PLCB2: variants seen among roughly 807,000 people sequenced by gnomAD.
The protein encoded by PLCB2 is phospholipase C beta 2, also known as 1-phosphatidylinositol 4,5-bisphosphate phosphodiesterase beta-2.
In PLCB2, 115 loss-of-function variants were observed where a neutral mutation model predicts 141.7. The observed-to-expected ratio is 0.81, with a 90% CI of 0.70 to 0.95. The LOEUF (loss-of-function observed/expected upper bound fraction) is 0.95, where lower values mean the gene tolerates loss of function less well. Ranked by LOEUF, PLCB2 falls within the 40% of genes least tolerant of loss-of-function variation. The probability of loss-of-function intolerance (pLI) is 0.00; values close to 1 mark genes in which losing one functional copy is unlikely to be tolerated. For synonymous variants in PLCB2, 603 were observed against 595.6 expected (o/e 1.01, Z -0.18); for missense variants, 1,403 against 1,541.1 (o/e 0.91, Z 1.50).
At position 40,294,890 on chromosome 15, in the gene PLCB2, C is replaced by T. The variant is rs759706597; in HGVS notation, c.1906+46G>A. The T allele has an allele frequency of 1.4e-5, 23 of 1,612,410 alleles. No individual in the cohort carries two copies. In the East Asian group the frequency reaches 2.2e-4, roughly 16 times the overall value. ...CCCTCAAGGATGTAAAGGTGGGGGG[C>T]GCAGGGACCAGGGAAGGATTCTTAG... On this transcript the variant is annotated intron_variant, in intron 18 of 31. Coordinates refer to ENST00000260402, the MANE Select transcript of PLCB2 (RefSeq NM_004573.3).
chr15:40,288,037 T>C lies in PLCB2; in HGVS notation c.*678A>G. On this transcript the variant is annotated 3_prime_UTR_variant, in exon 32 of 32. Coordinates refer to ENST00000260402, the MANE Select transcript of PLCB2 (RefSeq NM_004573.3). ...AGAGGGGTACATGGTAGGAACTGCC[T>C]GCCCCCAGGCCTAGGAAGAGGGGTG... The C allele has an allele frequency of 1.0e-6, 1 of 985,502 alleles. No homozygotes were observed. The highest frequency in any genetic ancestry group is 1.2e-6 in the Non-Finnish European group (1 of 829,962). 61.0% of individuals were successfully genotyped at this position (985,502 alleles called of 1,614,324 possible). A position where few individuals can be genotyped will look rare whatever the true frequency, so the allele number is the denominator to read the frequency against.
intron 30 of PLCB2, chr15:40,289,691 TC>T (rs2039748032): frequency 2.0e-6 from 1 of 509,902 alleles, no homozygotes; most frequent in African/African-American, 1.9e-5. Flanking sequence ...TCCCTCTTCA[TC>T]CCCTGACCCT....
chr15:40,304,866 G>A (rs796651693), intron 1 of PLCB2, among the ~76,000 whole-genome samples: 5 of 152,170 alleles, frequency 3.3e-5, no homozygotes, highest in African/African-American at 1.2e-4. Context: ...CTACCTTTTA[G>A]TTTAACGGTC....
Position 40,297,723 on chromosome 15 carries a change from G to A in PLCB2, c.1239-118C>T, listed in dbSNP as rs999039353. The A allele has an allele frequency of 1.8e-5, 18 of 975,076 alleles. No homozygotes were observed. Among genetic ancestry groups the A allele is most frequent in the African/African-American group, 9.6e-5 (6 of 62,516 alleles). The allele number at this position is 975,076 out of a possible 1,614,324, so 60.4% of individuals were successfully genotyped here. A position where few individuals can be genotyped will look rare whatever the true frequency, so the allele number is the denominator to read the frequency against. On this transcript the variant is annotated intron_variant, in intron 12 of 31. Coordinates refer to ENST00000260402, the MANE Select transcript of PLCB2 (RefSeq NM_004573.3). The surrounding 1 kb of genome is among the most constrained non-coding windows in gnomAD (Gnocchi z 4.2). ...CAGGAGGTCAGGGAGGCTGGGACTC[G>A]AGCAGGAGAACATGAGGCCTTAGGG...
intron 29 of PLCB2, 53 bp from the exon 30 acceptor site, chr15:40,290,135 G>T: frequency 8.9e-7 from 1 of 1,121,882 alleles, no homozygotes; most frequent in Non-Finnish European, 1.4e-6. Flanking sequence ...AGGGAGAGTA[G>T]GGTAACATGA....
Position 40,297,667 on chromosome 15 carries a change from T to C in PLCB2, c.1239-62A>G. The C allele has an allele frequency of 7.2e-7, 1 of 1,391,832 alleles. No individual in the cohort carries two copies. Among genetic ancestry groups the C allele is most frequent in the Non-Finnish European group, 1.0e-6 (1 of 985,414 alleles). 86.2% of individuals were successfully genotyped at this position (1,391,832 alleles called of 1,614,324 possible). A position where few individuals can be genotyped will look rare whatever the true frequency, so the allele number is the denominator to read the frequency against. ...TCAGCACCAACCCTATTATGCATCC[T>C]TTTGTGCCCTTGATGACCCAGATCA... On this transcript the variant is annotated intron_variant, in intron 12 of 31. Coordinates refer to ENST00000260402, the MANE Select transcript of PLCB2 (RefSeq NM_004573.3). The surrounding 1 kb of genome is among the most constrained non-coding windows in gnomAD (Gnocchi z 4.2).
downstream of PLCB2, chr15:40,285,609 C>T (rs924006913): frequency 2.0e-6 from 2 of 985,152 alleles, no homozygotes; most frequent in Non-Finnish European, 2.4e-6. Context: ...AGACTCTCCA[C>T]CCCCAGTAAC....
rs1246115956 is a variant in PLCB2, at chr15:40,304,043, C to T, written c.120G>A (p.Val40=). 1 of 1,600,802 alleles carries T rather than the reference C, an allele frequency of 6.2e-7. No individual in the cohort carries two copies. The highest frequency in any genetic ancestry group is 8.5e-7 in the Non-Finnish European group (1 of 1,173,922). ...TTVASPVILR[V]DPKGYYLYWT... is the part of the protein sequence containing the mutation. The stretch of plus-strand genomic sequence containing the variant: ...AGTATAAGTAGTAGCCCTTAGGATC[C>T]ACACGGAGGATAACTGGAGAGGCAA... The change falls in exon 2 of 32, where the codon GTG becomes GTA. Residue 40 remains valine, a synonymous_variant. Transcript: ENST00000260402.
chr15:40,292,656 G>A (rs1595643297), intron 21 of PLCB2, among the ~76,000 whole-genome samples: 1 of 152,340 alleles, frequency 6.6e-6, no homozygotes, highest in African/African-American at 2.4e-5. Context: ...AAGTGAGAAT[G>A]TATTATAAGC....
intron 7 of PLCB2, among the ~76,000 whole-genome samples, chr15:40,299,993 A>G (rs1019146511): frequency 1.3e-5 from 2 of 152,218 alleles, no homozygotes; most frequent in African/African-American, 4.8e-5. Context: ...TACCACTCCC[A>G]CTAGGATGGC....
chr15:40,294,933 C>T lies in PLCB2; in HGVS notation c.1906+3G>A, dbSNP rs1274217902. ...ATTCTTAGGGGCCTGGGAATGCCCTCACCCATCGTCTGGAAGTTGAGGGCA... is the reference window on the plus strand; with the variant it reads ...ATTCTTAGGGGCCTGGGAATGCCCTTACCCATCGTCTGGAAGTTGAGGGCA... On this transcript the variant is annotated splice_donor_region_variant and intron_variant, in intron 18 of 31. Coordinates refer to ENST00000260402, the MANE Select transcript of PLCB2 (RefSeq NM_004573.3). 1 of 1,614,078 alleles carries T rather than the reference C, an allele frequency of 6.2e-7. No homozygotes were observed. Among genetic ancestry groups the T allele is most frequent in the South Asian group, 1.1e-5 (1 of 91,084 alleles).
chr15:40,284,800 A>G (rs1454753472), downstream of PLCB2, among the ~76,000 whole-genome samples: 1 of 130,852 alleles, frequency 7.6e-6, no homozygotes, highest in Non-Finnish European at 1.5e-5. Context: ...AGATCACGCC[A>G]CTGCACTCCA....
intron 7 of PLCB2, 167 bp downstream of exon 7, chr15:40,301,790 C>A: frequency 1.4e-6 from 1 of 706,810 alleles, no homozygotes. Flanking sequence ...TGGCTCCACC[C>A]CTGTGCCTAG....
Position 40,295,271 on chromosome 15 carries a change from A to G in PLCB2, c.1711T>C (p.Tyr571His), listed in dbSNP as rs770325829. ...AGCTCTGTGAAGGACGAGATGACAT[A>G]ACTTCGGTTCTTTTCTATATAGGGG... ...FEFSAQKNRS[Y>H]VISSFTELKA... Residue 571 changes from tyrosine (Y) to histidine (H), a missense_variant, in exon 17 of 32, where the codon TAT becomes CAT. This residue lies in a region of PLCB2 where 975 missense variants were observed against 1,141.1 expected (regional missense o/e 0.85). Transcript: ENST00000260402. 5.6e-6 allele frequency: 9 copies of G among 1,613,022 alleles called. No individual in the cohort carries two copies. Among genetic ancestry groups the G allele is most frequent in the Middle Eastern group, 1.7e-4 (1 of 6,058 alleles).
chr15:40,297,691 CA>C lies in PLCB2; in HGVS notation c.1239-87del, dbSNP rs1222930025. The C allele has an allele frequency of 1.1e-5, 13 of 1,188,660 alleles. No homozygotes were observed. In the Admixed American group the frequency reaches 2.0e-4, roughly 19 times the overall value. 73.6% of individuals were successfully genotyped at this position (1,188,660 alleles called of 1,614,324 possible). A position where few individuals can be genotyped will look rare whatever the true frequency, so the allele number is the denominator to read the frequency against. On this transcript the variant is annotated intron_variant, in intron 12 of 31. Coordinates refer to ENST00000260402, the MANE Select transcript of PLCB2 (RefSeq NM_004573.3). The surrounding 1 kb of genome is among the most constrained non-coding windows in gnomAD (Gnocchi z 4.2). ...CTTTTGTGCCCTTGATGACCCAGAT[CA>C]GGGGCCAGGAGGTCAGGGAGGCTGG...
rs1228485577 is a variant in PLCB2, at chr15:40,302,451, C to G, written c.372+18G>C. ...TATCCCAGGGGCCCAGACCCAGGCCCAGTGCTCCCTGGCACACCTTGCCCA... is the reference window on the plus strand; with the variant it reads ...TATCCCAGGGGCCCAGACCCAGGCCGAGTGCTCCCTGGCACACCTTGCCCA... On this transcript the variant is annotated intron_variant, in intron 4 of 31. Coordinates refer to ENST00000260402, the MANE Select transcript of PLCB2 (RefSeq NM_004573.3). 1 of 1,613,700 alleles carries G rather than the reference C, an allele frequency of 6.2e-7. No individual in the cohort carries two copies. The highest frequency in any genetic ancestry group is 8.5e-7 in the Non-Finnish European group (1 of 1,179,866).
At chr15:40,284,292 C>T (rs1051965731), downstream of PLCB2, 6 of 332,696 alleles carry the variant, frequency 1.8e-5, no homozygotes, top group African/African-American at 1.3e-4. Context: ...TTTTCATGAG[C>T]CGCACATTTT....
intron 27 of PLCB2, 72 bp downstream of exon 27, chr15:40,290,946 G>A: frequency 6.7e-7 from 1 of 1,501,030 alleles, no homozygotes; most frequent in East Asian, 2.5e-5. Context: ...GTCGGTGAGA[G>A]GGGCGAATGG....
chr15:40,285,113 C>T (rs950411589), downstream of PLCB2, among the ~76,000 whole-genome samples: 4 of 152,206 alleles, frequency 2.6e-5, no homozygotes, highest in African/African-American at 9.7e-5. Context: ...CTCTCTCCAG[C>T]TCCCAGGCTC....
Sources: allele counts gnomAD v4.1 joint callset (sites outside exome capture counted in the v4.1 genomes callset), GRCh38; gene constraint gnomAD v4.1.1; regional missense constraint gnomAD v4.1.1; non-coding constraint Gnocchi (gnomAD v3.1); transcripts MANE v1.5; gene names NCBI Gene and HGNC (gene_info 2026-07-23, HGNC 2026-07-21).